The following RUFY3 variants were observed in gnomAD, a reference collection of about 807,000 sequenced individuals.
The protein encoded by RUFY3 is protein RUFY3.
A neutral mutation model predicts 84.0 loss-of-function variants in RUFY3; 34 were observed. The ratio of observed to expected loss-of-function variants is 0.40; its 90% CI spans 0.31 to 0.54. The LOEUF is 0.54. RUFY3 is among the 20% of genes least tolerant of loss of function. RUFY3 has a pLI of 0.39. For missense variants in RUFY3, 507 were observed against 736.8 expected, an observed-to-expected ratio of 0.69 and a Z score of 3.61; for synonymous variants, 242 against 252.9, an observed-to-expected ratio of 0.96 and a Z score of 0.41.
chr4:70,753,115 G>A (rs1356899143), intron 1 of RUFY3, among the ~76,000 whole-genome samples: 1 of 151,950 alleles, frequency 6.6e-6, no homozygotes, highest in Non-Finnish European at 1.5e-5. Flanking sequence ...TTCTTCTTAT[G>A]TCAGTTTTGG....
intron 1 of RUFY3, among the ~76,000 whole-genome samples, chr4:70,716,296 C>G (rs1741604610): frequency 6.6e-6 from 1 of 151,872 alleles, no homozygotes; most frequent in Admixed American, 6.6e-5. Flanking sequence ...CAGGCACGTA[C>G]CACATTGCCT....
intron 17 of RUFY3, 78 bp from the exon 18 acceptor site, chr4:70,806,438 A>C: frequency 4.6e-6 from 7 of 1,518,416 alleles, no homozygotes; most frequent in Non-Finnish European, 6.3e-6. Context: ...AGCATTTGCC[A>C]TATTTGGCTT....
intron 1 of RUFY3, among the ~76,000 whole-genome samples, chr4:70,743,681 T>A (rs1187196058): frequency 2.6e-5 from 4 of 152,112 alleles, no homozygotes; most frequent in Non-Finnish European, 4.4e-5. Flanking sequence ...ACATAAAATA[T>A]CCAGAAAATG....
intron 1 of RUFY3, among the ~76,000 whole-genome samples, chr4:70,744,358 T>TATG (rs1560482371): frequency 6.6e-6 from 1 of 150,622 alleles, no homozygotes; most frequent in African/African-American, 2.5e-5. Context: ...TGGCTAATTT[T>TATG]TATGTATGTA....
chr4:70,733,062 A>G (rs2148618682), intron 1 of RUFY3, among the ~76,000 whole-genome samples: 1 of 136,232 alleles, frequency 7.3e-6, no homozygotes. Context: ...GTGAGACTCC[A>G]TTTCAAAAGA....
chr4:70,767,259 ATTTTTTTTTTTTTTTTTT>A lies in RUFY3; in HGVS notation c.573-1266_573-1249del, dbSNP rs779388140. Among the ~76,000 whole-genome samples, 3 of 49,690 alleles carry A rather than the reference ATTTTTTTTTTTTTTTTTT, an allele frequency of 6.0e-5. No homozygotes were observed. The South Asian group carries it at 1.9e-3, about 32-fold the overall frequency. The allele number at this position is 49,690 out of a possible 152,430, so 32.6% of individuals were successfully genotyped here. A position where few individuals can be genotyped will look rare whatever the true frequency, so the allele number is the denominator to read the frequency against. On this transcript the variant is annotated intron_variant, in intron 4 of 17. Transcript: ENST00000381006. ...TGCCACCATGCCCGGCTAATTTTGT[ATTTTTTTTTTTTTTTTTT>A]TTTTTTTTTTTTAGTAGAGACAGGG...
upstream of RUFY3, chr4:70,721,903 C>G (rs1414765175): frequency 1.6e-6 from 2 of 1,231,086 alleles, no homozygotes; most frequent in Non-Finnish European, 2.0e-6. Context: ...TATAAAGCAT[C>G]CTGGGAATTG....
chr4:70,802,899 A>C (rs1560578863), intron 15 of RUFY3, 57 bp from the exon 16 acceptor site: 7 of 1,276,724 alleles, frequency 5.5e-6, no homozygotes, highest in Non-Finnish European at 7.8e-6. Flanking sequence ...TTGAAATGAT[A>C]TAAATGAAAA....
At chr4:70,763,459 T>C (rs1384532318) in intron 2 of RUFY3, 93 bp from the exon 3 acceptor site, 3 of 845,518 alleles carry the variant, frequency 3.5e-6, no homozygotes, top group Non-Finnish European at 5.6e-6. Flanking sequence ...AGGATTGGTT[T>C]CCTGAAAAGT....
intron 1 of RUFY3, among the ~76,000 whole-genome samples, chr4:70,731,344 T>C (rs1264837573): frequency 6.6e-6 from 1 of 152,166 alleles, no homozygotes; most frequent in Non-Finnish European, 1.5e-5. Context: ...GGCCAGTGAT[T>C]GCCATCTTTT....
intron 1 of RUFY3, among the ~76,000 whole-genome samples, chr4:70,747,925 T>C (rs910635750): frequency 6.6e-6 from 1 of 152,180 alleles, no homozygotes; most frequent in African/African-American, 2.4e-5. Context: ...TTGCCCTTTA[T>C]CTCCATAACA....
chr4:70,727,493 T>C (rs1356461172), intron 1 of RUFY3, among the ~76,000 whole-genome samples: 11 of 150,084 alleles, frequency 7.3e-5, no homozygotes, highest in Admixed American at 5.3e-4. Context: ...GTAACTGGGA[T>C]TACAGGCAGA....
At chr4:70,727,605 C>A (rs186522247) in intron 1 of RUFY3, among the ~76,000 whole-genome samples, 1 of 151,596 alleles carries the variant, frequency 6.6e-6, no homozygotes, top group Non-Finnish European at 1.5e-5. Context: ...ATCCACCCAC[C>A]TTGCCCTCCC....
upstream of RUFY3, among the ~76,000 whole-genome samples, chr4:70,721,170 G>T: frequency 6.6e-6 from 1 of 151,894 alleles, no homozygotes; most frequent in East Asian, 1.9e-4. Context: ...AAATTAGCTG[G>T]GCGTGGTGGT....
intron 11 of RUFY3, 29 bp downstream of exon 11, chr4:70,789,002 TG>T (rs1730366617): frequency 6.2e-7 from 1 of 1,604,632 alleles, no homozygotes; most frequent in Non-Finnish European, 8.5e-7. Context: ...ATAGACTCAC[TG>T]GCTCTCTAAA....
exon 1 of RUFY3, chr4:70,705,294 C>A (rs763596763): frequency 1.0e-4 from 147 of 1,402,994 alleles, no homozygotes; most frequent in Non-Finnish European, 1.3e-4. Flanking sequence ...CGGCAAGCAC[C>A]GTGAGTGGCG....
intron 1 of RUFY3, 112 bp from the exon 2 acceptor site, chr4:70,762,407 T>A: frequency 1.1e-6 from 1 of 888,870 alleles, no homozygotes. Context: ...TAAAGGAAAC[T>A]GGCATTTTTT....
rs1725228684 is a variant in RUFY3 at position 70,762,682 on chromosome 4, T to C, written c.342T>C (p.His114=). 2 of 1,611,448 alleles carry C rather than the reference T, an allele frequency of 1.2e-6. No homozygotes were observed. The highest frequency in any genetic ancestry group is 1.7e-6 in the Non-Finnish European group (2 of 1,178,524). The stretch of plus-strand genomic sequence containing the variant: ...TGGTGATGGAGCACTGTCTGAAACA[T>C]GGCTTGAAAGGTAGGCCATCACCCC... ...FFVVMEHCLK[H]GLKAKKTFLG... is the part of the protein sequence containing the mutation. Residue 114 remains histidine (H), a synonymous_variant, in exon 2 of 18, where the codon CAT becomes CAC. Transcript: ENST00000381006.
intron 1 of RUFY3, among the ~76,000 whole-genome samples, chr4:70,728,207 A>G (rs1417140374): frequency 1.3e-5 from 2 of 152,204 alleles, no homozygotes; most frequent in Admixed American, 1.3e-4. Flanking sequence ...ACATGCTTAG[A>G]AGACTTAAAT....
Sources: gnomAD v4.1 joint callset for allele counts (sites outside exome capture counted in the v4.1 genomes callset) on GRCh38, gnomAD v4.1.1 for gene constraint, MANE v1.5 for transcripts, NCBI Gene and HGNC (gene_info 2026-07-23, HGNC 2026-07-21) for gene names.